Variants in AGMO observed in about 807,000 individuals in gnomAD.
The protein encoded by AGMO is glyceryl-ether monooxygenase.
Under a neutral mutation model 60.2 loss-of-function variants are expected in AGMO, and 75 were observed. The ratio of observed to expected loss-of-function variants is 1.25; its 90% CI spans 1.03 to 1.51. The LOEUF (loss-of-function observed/expected upper bound fraction) is 1.51. Among genes scored for constraint, AGMO ranks in the 40% most tolerant of loss-of-function variants. The pLI is 0.00. For synonymous variants in AGMO, 261 were observed against 177.1 expected (o/e 1.47, Z -3.76); for missense variants, 763 against 525.5 (o/e 1.45, Z -4.42).
chr7:15,118,173 A>AAC, the AGMO span, among the ~76,000 whole-genome samples: 10,795 of 144,510 alleles, frequency 0.075, 598 homozygotes, highest in African/African-American at 0.17. Flanking sequence ...ACTAAAGAGA[A>AAC]ACACACACAC....
the AGMO span, among the ~76,000 whole-genome samples, chr7:15,182,480 T>C: frequency 8.5e-5 from 13 of 152,142 alleles, no homozygotes; most frequent in African/African-American, 3.1e-4. Context: ...CAGTGGCACA[T>C]TCTCAGCTCA....
chr7:15,427,649 A>G (rs931260146), intron 4 of AGMO, among the ~76,000 whole-genome samples: 1 of 152,234 alleles, frequency 6.6e-6, no homozygotes, highest in Admixed American at 6.5e-5. Context: ...GTAATATTTT[A>G]TATGACATCC....
At chr7:15,292,751 C>CTTTTTTTTTTTTTTTT (rs765222435) in intron 12 of AGMO, among the ~76,000 whole-genome samples, 3 of 95,130 alleles carry the variant, frequency 3.2e-5, no homozygotes, top group Admixed American at 1.4e-4. Flanking sequence ...TTTTTTTTTC[C>CTTTTTTTTTTTTTTTT]TTTTTTTTTT....
At chr7:15,212,354 A>G (rs772748364) in intron 12 of AGMO, among the ~76,000 whole-genome samples, 16 of 151,654 alleles carry the variant, frequency 1.1e-4, no homozygotes, top group Non-Finnish European at 2.1e-4. Flanking sequence ...ATCAGTCTCT[A>G]TTAGGTTGTA....
At chr7:15,413,270 T>A (rs1780666227) in intron 5 of AGMO, among the ~76,000 whole-genome samples, 1 of 152,116 alleles carries the variant, frequency 6.6e-6, no homozygotes, top group Non-Finnish European at 1.5e-5. Context: ...GAAGACAAAT[T>A]AATATGTTAT....
intron 12 of AGMO, among the ~76,000 whole-genome samples, chr7:15,363,058 T>C (rs1370634611): frequency 2.6e-5 from 4 of 152,196 alleles, no homozygotes; most frequent in African/African-American, 9.6e-5. Flanking sequence ...TTGATATGAA[T>C]ACTGAATGGA....
chr7:15,379,803 C>T (rs1291097579), intron 10 of AGMO, among the ~76,000 whole-genome samples: 1 of 152,046 alleles, frequency 6.6e-6, no homozygotes, highest in East Asian at 1.9e-4. Context: ...CATCAAAAAG[C>T]TTATCCACCA....
the AGMO span, among the ~76,000 whole-genome samples, chr7:15,192,888 C>G: frequency 6.6e-6 from 1 of 152,056 alleles, no homozygotes; most frequent in African/African-American, 2.4e-5. Flanking sequence ...GTCACCAAAG[C>G]AAATTTTTAA....
chr7:15,479,152 T>G (rs929020690), intron 3 of AGMO, among the ~76,000 whole-genome samples: 2 of 152,156 alleles, frequency 1.3e-5, no homozygotes, highest in African/African-American at 4.8e-5. Context: ...ATGTAGAAAT[T>G]ACGGACATTA....
intron 5 of AGMO, among the ~76,000 whole-genome samples, chr7:15,397,203 C>T (rs866869284): frequency 4.6e-5 from 7 of 152,294 alleles, no homozygotes; most frequent in African/African-American, 1.7e-4. Context: ...GGAGACCCGC[C>T]GTCCTGGCCT....
chr7:15,194,943 G>C, the AGMO span, among the ~76,000 whole-genome samples: 3 of 152,268 alleles, frequency 2.0e-5, no homozygotes, highest in Middle Eastern at 3.4e-3. Flanking sequence ...GCCTCAGAAG[G>C]GGATGTGTTA....
intron 12 of AGMO, among the ~76,000 whole-genome samples, chr7:15,240,039 C>T (rs551330490): frequency 1.2e-3 from 185 of 152,142 alleles, no homozygotes; most frequent in African/African-American, 4.2e-3. Flanking sequence ...CAACTCATTA[C>T]GAAACAGTAA....
At chr7:15,518,763 C>G (rs1276141786) in intron 3 of AGMO, among the ~76,000 whole-genome samples, 1 of 151,952 alleles carries the variant, frequency 6.6e-6, no homozygotes, top group Admixed American at 6.6e-5. Flanking sequence ...TCTTCTCCTC[C>G]AAAGTATCAC....
chr7:15,547,458 G>C (rs1014464008), intron 2 of AGMO, among the ~76,000 whole-genome samples: 3 of 152,002 alleles, frequency 2.0e-5, no homozygotes, highest in African/African-American at 7.3e-5. Context: ...CAGTGGGTGC[G>C]CGCACCGTGC....
the AGMO span, among the ~76,000 whole-genome samples, chr7:15,124,136 T>C: frequency 6.6e-6 from 1 of 152,108 alleles, no homozygotes; most frequent in African/African-American, 2.4e-5. Flanking sequence ...AGAGTTTCAC[T>C]GTGTGCCTGC....
Position 15,314,169 on chromosome 7 carries a change from T to C in AGMO, c.1263+51345A>G, listed in dbSNP as rs188756538. 5.9e-5 allele frequency among the ~76,000 whole-genome samples: 9 copies of C among 152,102 alleles called. No individual in the cohort carries two copies. The East Asian group carries it at 1.8e-3, about 30-fold the overall frequency. Reference sequence around the variant, plus strand: ...AAGTTGGACAAAAAGGTGATTTACATCCGGGGTGAGACTGAGCAGGAGGGT... The same window carrying C: ...AAGTTGGACAAAAAGGTGATTTACACCCGGGGTGAGACTGAGCAGGAGGGT... On this transcript the variant is annotated intron_variant, in intron 12 of 12. Coordinates refer to ENST00000342526, the MANE Select transcript of AGMO (RefSeq NM_001004320.2).
chr7:15,469,858 A>C (rs1782400530), intron 3 of AGMO, among the ~76,000 whole-genome samples: 1 of 152,042 alleles, frequency 6.6e-6, no homozygotes, highest in Admixed American at 6.6e-5. Flanking sequence ...AGATCTCAGG[A>C]TAGAGAGAGC....
chr7:15,296,755 T>C (rs1239710478), intron 12 of AGMO, among the ~76,000 whole-genome samples: 1 of 152,154 alleles, frequency 6.6e-6, no homozygotes, highest in Non-Finnish European at 1.5e-5. Context: ...GTACTTTATT[T>C]CACTTTTCCA....
At chr7:15,278,714 G>T (rs888699296) in intron 12 of AGMO, among the ~76,000 whole-genome samples, 1 of 152,176 alleles carries the variant, frequency 6.6e-6, no homozygotes, top group Non-Finnish European at 1.5e-5. Flanking sequence ...ATGCAAAGGT[G>T]CCCAGCCTAC....
Sources: gnomAD v4.1 joint callset for allele counts (sites outside exome capture counted in the v4.1 genomes callset) on GRCh38, gnomAD v4.1.1 for gene constraint, MANE v1.5 for transcripts, NCBI Gene and HGNC (gene_info 2026-07-23, HGNC 2026-07-21) for gene names.